The following ICA1 variants were observed in gnomAD, a reference collection of about 807,000 sequenced individuals.
ICA1 encodes islet cell autoantigen 1.
ICA1 carries 40 observed loss-of-function variants against 71.0 expected under a neutral mutation model. The ratio of observed to expected loss-of-function variants is 0.56; its 90% confidence interval spans 0.44 to 0.73. The LOEUF is 0.73. Among genes scored for constraint, ICA1 ranks in the 30% least tolerant of loss-of-function variants. The pLI, the probability that ICA1 is intolerant of heterozygous loss-of-function variation, is 0.00. For missense variants in ICA1, 578 were observed against 576.5 expected, an observed-to-expected ratio of 1.00 and a Z score of -0.03; for synonymous variants, 207 against 209.5, an observed-to-expected ratio of 0.99 and a Z score of 0.10.
chr7:8,213,335 C>T (rs370378080), intron 6 of ICA1, among the ~76,000 whole-genome samples: 1 of 152,152 alleles, frequency 6.6e-6, no homozygotes, highest in Non-Finnish European at 1.5e-5. Context: ...GAGATATTAG[C>T]GCTTAAACAT....
intron 1 of ICA1, among the ~76,000 whole-genome samples, chr7:8,248,303 A>C (rs1042900617): frequency 1.2e-4 from 19 of 152,088 alleles, no homozygotes; most frequent in African/African-American, 4.3e-4. Flanking sequence ...TATCTGAGTC[A>C]ATGCCAAATT....
chr7:8,253,190 A>G (rs970080228), intron 1 of ICA1, among the ~76,000 whole-genome samples: 43 of 152,370 alleles, frequency 2.8e-4, no homozygotes, highest in African/African-American at 1.0e-3. Flanking sequence ...TACTAGTTAC[A>G]AATACCCTTA....
chr7:8,167,800 C>T (rs1806649730), intron 6 of ICA1, among the ~76,000 whole-genome samples: 6 of 152,130 alleles, frequency 3.9e-5, no homozygotes, highest in Admixed American at 3.9e-4. Flanking sequence ...CTGTGGTTGG[C>T]TAATTCAGTG....
intron 8 of ICA1, chr7:8,156,738 G>C (rs1801648451): frequency 3.3e-6 from 4 of 1,227,470 alleles, no homozygotes. Context: ...ATAATTAAAA[G>C]TAACTGAGTT....
At chr7:8,187,977 G>A (rs1784409560) in intron 6 of ICA1, among the ~76,000 whole-genome samples, 1 of 152,178 alleles carries the variant, frequency 6.6e-6, no homozygotes, top group Admixed American at 6.5e-5. Context: ...ACCTGCCTGA[G>A]ATTATACTGC....
At chr7:8,237,256 T>C (rs1583611413) in intron 1 of ICA1, among the ~76,000 whole-genome samples, 1 of 152,148 alleles carries the variant, frequency 6.6e-6, no homozygotes, top group Non-Finnish European at 1.5e-5. Flanking sequence ...ATGGAGAGGC[T>C]ACCAACACCC....
At position 8,140,975 on chromosome 7, in the gene ICA1, C is replaced by G. The variant is rs79313596; in HGVS notation, c.955+790G>C. Among the ~76,000 whole-genome samples, 1,375 of 152,276 alleles carry G rather than the reference C, an allele frequency of 9.0e-3. 22 individuals carry two copies. The highest frequency in any genetic ancestry group is 0.031 in the African/African-American group (1,297 of 41,550). On this transcript the variant is annotated intron_variant, in intron 10 of 13. Coordinates refer to ENST00000402384, the MANE Select transcript of ICA1 (RefSeq NM_001136020.3). ...GAAGCAGGAAGAGATGCATATGTCC[C>G]CAGGGGGACCAGGTAAACACAGTGT...
At chr7:8,167,835 G>T (rs1003813938) in intron 6 of ICA1, among the ~76,000 whole-genome samples, 1 of 152,162 alleles carries the variant, frequency 6.6e-6, no homozygotes, top group African/African-American at 2.4e-5. Context: ...AAAGCTGGGT[G>T]AATCAGAGCC....
At chr7:8,236,062 T>C (rs1801753590) in intron 1 of ICA1, 57 bp from the exon 2 acceptor site, 2 of 927,924 alleles carry the variant, frequency 2.2e-6, no homozygotes, top group Non-Finnish European at 3.3e-6. Context: ...TACATATTAA[T>C]GTGACACACA....
At position 8,164,207 on chromosome 7, in the gene ICA1, G is replaced by T. The variant is rs1046459388; in HGVS notation, c.580-5555C>A. Reference sequence around the variant, plus strand: ...TAATCCTAGCTACTCAGGAGGCTGAGGCAGGAGAATCGCTAGAACTTGGGA... The same window carrying T: ...TAATCCTAGCTACTCAGGAGGCTGATGCAGGAGAATCGCTAGAACTTGGGA... On this transcript the variant is annotated intron_variant, in intron 6 of 13. Coordinates refer to ENST00000402384, the MANE Select transcript of ICA1 (RefSeq NM_001136020.3). Among the ~76,000 whole-genome samples the T allele has an allele frequency of 2.0e-5, 3 of 151,146 alleles. No individual in the cohort carries two copies. The South Asian group carries it at 6.3e-4, about 32-fold the overall frequency.
intron 6 of ICA1, among the ~76,000 whole-genome samples, chr7:8,217,489 T>C (rs1239889584): frequency 6.6e-6 from 1 of 152,178 alleles, no homozygotes; most frequent in Non-Finnish European, 1.5e-5. Context: ...TACAAATGGA[T>C]CATTTGAAGT....
intron 8 of ICA1, among the ~76,000 whole-genome samples, chr7:8,156,036 G>A (rs746975114): frequency 3.3e-4 from 50 of 152,190 alleles, no homozygotes; most frequent in Non-Finnish European, 6.6e-4. Flanking sequence ...ATCAATGGGC[G>A]GGCGGCCAGC....
chr7:8,261,016 C>T (rs1812133919), intron 1 of ICA1, among the ~76,000 whole-genome samples: 1 of 152,166 alleles, frequency 6.6e-6, no homozygotes, highest in East Asian at 1.9e-4. Context: ...CAATAAATGC[C>T]TTATGTGTCT....
intron 1 of ICA1, among the ~76,000 whole-genome samples, chr7:8,245,831 T>C: frequency 6.6e-6 from 1 of 152,192 alleles, no homozygotes; most frequent in Non-Finnish European, 1.5e-5. Flanking sequence ...GTGGATACCA[T>C]ATTGAACAGT....
intron 12 of ICA1, among the ~76,000 whole-genome samples, chr7:8,134,780 G>C (rs1183137974): frequency 6.6e-6 from 1 of 150,910 alleles, no homozygotes; most frequent in East Asian, 2.0e-4. Context: ...GATGAAAAAT[G>C]ATATAGATTA....
chr7:8,224,237 C>A (rs1416904305), intron 4 of ICA1, among the ~76,000 whole-genome samples: 1 of 152,098 alleles, frequency 6.6e-6, no homozygotes, highest in Non-Finnish European at 1.5e-5. Flanking sequence ...AGGCTGAGTT[C>A]TGAATGACGA....
intron 13 of ICA1, among the ~76,000 whole-genome samples, chr7:8,125,378 A>G (rs10274896): frequency 0.48 from 72,354 of 151,622 alleles, 18,722 homozygotes; most frequent in African/African-American, 0.7. Context: ...TGCCAGGCAT[A>G]TCCTCACCTT....
At chr7:8,169,471 T>C (rs1017923460) in intron 6 of ICA1, among the ~76,000 whole-genome samples, 1 of 152,146 alleles carries the variant, frequency 6.6e-6, no homozygotes, top group African/African-American at 2.4e-5. Context: ...TCATTTTGTA[T>C]TCCTACCAGC....
At chr7:8,135,641 T>G (rs1410918884) in intron 12 of ICA1, among the ~76,000 whole-genome samples, 1 of 152,112 alleles carries the variant, frequency 6.6e-6, no homozygotes, top group African/African-American at 2.4e-5. Flanking sequence ...GGGCTAAAAG[T>G]TTTCACCCAC....
Sources: allele counts gnomAD v4.1 joint callset (sites outside exome capture counted in the v4.1 genomes callset), GRCh38; gene constraint gnomAD v4.1.1; transcripts MANE v1.5; gene names NCBI Gene and HGNC (gene_info 2026-07-23, HGNC 2026-07-21).